Variants in GAS2 observed in about 807,000 individuals in gnomAD.
The protein encoded by GAS2 is growth arrest-specific protein 2.
In GAS2, 20 loss-of-function variants were observed where a neutral mutation model predicts 37.5. That is an observed-to-expected ratio of 0.53 (90% CI 0.37 to 0.77). The LOEUF (loss-of-function observed/expected upper bound fraction) is 0.77, where lower values mean the gene tolerates loss of function less well. Among genes scored for constraint, GAS2 ranks in the 30% least tolerant of loss-of-function variants. The pLI, the probability that GAS2 is intolerant of heterozygous loss-of-function variation, is 0.00. For missense variants in GAS2, 336 were observed against 373.4 expected (o/e 0.90, Z 0.82); for synonymous variants, 144 against 132.2 (o/e 1.09, Z -0.61).
At chr11:22,627,075 G>A (rs1014278253) in intron 1 of GAS2, among the ~76,000 whole-genome samples, 8 of 152,204 alleles carry the variant, frequency 5.3e-5, no homozygotes, top group Non-Finnish European at 8.8e-5. Flanking sequence ...TTAGAGGCGT[G>A]TGCCACCGCG....
At chr11:22,802,508 T>C (rs1018710634) in intron 7 of GAS2, among the ~76,000 whole-genome samples, 4 of 151,712 alleles carry the variant, frequency 2.6e-5, no homozygotes, top group Admixed American at 6.6e-5. Flanking sequence ...GTCTTTTTTT[T>C]CCCCCTTCAG....
chr11:22,734,763 C>A (rs1318637624), intron 4 of GAS2, among the ~76,000 whole-genome samples: 5 of 151,584 alleles, frequency 3.3e-5, no homozygotes, highest in Admixed American at 6.6e-5. Flanking sequence ...AATAACCTCC[C>A]AAAATAATAT....
intron 5 of GAS2, among the ~76,000 whole-genome samples, chr11:22,746,431 T>C (rs1209143448): frequency 6.6e-6 from 1 of 152,162 alleles, no homozygotes; most frequent in Non-Finnish European, 1.5e-5. Flanking sequence ...GCAGCACCGT[T>C]CACAATAGCA....
chr11:22,773,259 C>A (rs1855079833), intron 7 of GAS2, among the ~76,000 whole-genome samples: 1 of 152,124 alleles, frequency 6.6e-6, no homozygotes, highest in Non-Finnish European at 1.5e-5. Flanking sequence ...GCCAAGCTGT[C>A]TTCATTCCTG....
intron 1 of GAS2, among the ~76,000 whole-genome samples, chr11:22,634,488 G>A (rs1002056033): frequency 6.6e-6 from 1 of 152,142 alleles, no homozygotes; most frequent in Non-Finnish European, 1.5e-5. Context: ...CACCTGTTGT[G>A]CCTTTGCTGA....
chr11:22,673,410 C>G (rs541373938), intron 1 of GAS2, among the ~76,000 whole-genome samples: 7 of 152,132 alleles, frequency 4.6e-5, no homozygotes, highest in Non-Finnish European at 1.0e-4. Flanking sequence ...CACTGAAAAC[C>G]TCATGATATC....
At chr11:22,636,460 T>C (rs566332655) in intron 1 of GAS2, among the ~76,000 whole-genome samples, 10 of 152,310 alleles carry the variant, frequency 6.6e-5, no homozygotes, top group Admixed American at 3.3e-4. Context: ...CCCTCCCACA[T>C]TGCATAACAG....
Position 22,631,934 on chromosome 11 carries a change from T to C in GAS2, c.-21+6121T>C, listed in dbSNP as rs1858749536. 2.0e-5 allele frequency among the ~76,000 whole-genome samples: 3 copies of C among 148,022 alleles called. No homozygotes were observed. The South Asian group carries it at 6.5e-4, about 32-fold the overall frequency. The stretch of plus-strand genomic sequence containing the variant: ...CTCGTAAAATTTGGCTGTGAATCCA[T>C]CTGGCCCTGGACTTTTTTTTTTTTT... On this transcript the variant is annotated intron_variant, in intron 1 of 5. Coordinates refer to the GAS2 transcript ENST00000528582.
chr11:22,736,247 AT>A (rs1300172332), intron 4 of GAS2, among the ~76,000 whole-genome samples: 3 of 151,984 alleles, frequency 2.0e-5, no homozygotes, highest in Non-Finnish European at 4.4e-5. Context: ...GAGGTAGTAA[AT>A]ATCTTCATTT....
chr11:22,791,006 A>G (rs906243644), intron 7 of GAS2, among the ~76,000 whole-genome samples: 1 of 152,212 alleles, frequency 6.6e-6, no homozygotes, highest in Admixed American at 6.5e-5. Flanking sequence ...ACAAAACCAC[A>G]AAGGTGAAGA....
At chr11:22,695,826 T>G (rs1850477868) in intron 3 of GAS2, among the ~76,000 whole-genome samples, 1 of 152,190 alleles carries the variant, frequency 6.6e-6, no homozygotes, top group Admixed American at 6.6e-5. Context: ...AGCTGTGAGG[T>G]TGAAAGTGAT....
At chr11:22,757,612 G>T (rs1854120143) in intron 7 of GAS2, among the ~76,000 whole-genome samples, 1 of 152,082 alleles carries the variant, frequency 6.6e-6, no homozygotes, top group Non-Finnish European at 1.5e-5. Context: ...TTAGAATAGT[G>T]TCTTAACGAA....
upstream of GAS2, among the ~76,000 whole-genome samples, chr11:22,662,631 A>T (rs774645453): frequency 2.0e-5 from 3 of 152,104 alleles, no homozygotes; most frequent in Non-Finnish European, 4.4e-5. Context: ...TTAGAAGCAA[A>T]CTACAAGATA....
chr11:22,797,706 T>C (rs185369805), intron 7 of GAS2, among the ~76,000 whole-genome samples: 340 of 152,170 alleles, frequency 2.2e-3, no homozygotes, highest in Non-Finnish European at 3.5e-3. Context: ...TAGGAGGAAG[T>C]ACTATCAGGA....
chr11:22,755,330 A>C (rs1210920662), intron 6 of GAS2, among the ~76,000 whole-genome samples: 1 of 152,048 alleles, frequency 6.6e-6, no homozygotes, highest in Non-Finnish European at 1.5e-5. Context: ...TCTTAGAGAA[A>C]ATCTTAGAGT....
chr11:22,694,464 A>G (rs186421763), intron 3 of GAS2, among the ~76,000 whole-genome samples: 50 of 152,298 alleles, frequency 3.3e-4, no homozygotes, highest in Admixed American at 7.9e-4. Context: ...AGCTTTCTTC[A>G]TCAACTTATT....
intron 3 of GAS2, among the ~76,000 whole-genome samples, chr11:22,715,383 C>T (rs555171402): frequency 3.4e-4 from 49 of 144,250 alleles, no homozygotes; most frequent in East Asian, 1.3e-3. Flanking sequence ...ATCACTTGAA[C>T]CCGGGAGGCG....
intron 7 of GAS2, among the ~76,000 whole-genome samples, chr11:22,791,631 G>T (rs1189976288): frequency 2.6e-5 from 4 of 152,158 alleles, no homozygotes; most frequent in African/African-American, 9.7e-5. Context: ...GAATCACAAA[G>T]TGGCAGAAAA....
chr11:22,677,814 C>T (rs1849498698), intron 2 of GAS2, among the ~76,000 whole-genome samples: 1 of 152,134 alleles, frequency 6.6e-6, no homozygotes, highest in African/African-American at 2.4e-5. Flanking sequence ...TCAGTGTCCT[C>T]AACCATAAAA....
Sources: allele counts gnomAD v4.1 joint callset (sites outside exome capture counted in the v4.1 genomes callset), GRCh38; gene constraint gnomAD v4.1.1; transcripts MANE v1.5; gene names NCBI Gene and HGNC (gene_info 2026-07-23, HGNC 2026-07-21).